DAPK2: variants seen among roughly 807,000 people sequenced by gnomAD.
DAPK2 encodes the protein death associated protein kinase 2, also known as death-associated protein kinase 2.
Under a neutral mutation model 44.1 loss-of-function variants are expected in DAPK2, and 35 were observed. That is an observed-to-expected ratio of 0.79 (90% CI 0.61 to 1.05). The LOEUF (loss-of-function observed/expected upper bound fraction) is 1.05, where lower values mean the gene tolerates loss of function less well. Ranked by LOEUF, DAPK2 falls within the 50% of genes least tolerant of loss-of-function variation. The probability of loss-of-function intolerance (pLI) is 0.00; values close to 1 mark genes in which losing one functional copy is unlikely to be tolerated. For synonymous variants in DAPK2, 174 were observed against 182.6 expected (o/e 0.95, Z 0.38); for missense variants, 453 against 483.2 (o/e 0.94, Z 0.59).
At chr15:63,992,277 A>C (rs1349963462) in intron 1 of DAPK2, among the ~76,000 whole-genome samples, 1 of 152,184 alleles carries the variant, frequency 6.6e-6, no homozygotes. Flanking sequence ...CTTAGTCTAG[A>C]GTCTAGATTC....
At chr15:64,031,788 C>T (rs768789968) in intron 1 of DAPK2, among the ~76,000 whole-genome samples, 1 of 152,130 alleles carries the variant, frequency 6.6e-6, no homozygotes, top group Admixed American at 6.6e-5. Flanking sequence ...CTAAAATTTT[C>T]GAGACTGAGT....
intron 1 of DAPK2, among the ~76,000 whole-genome samples, chr15:64,024,138 C>T (rs578036685): frequency 6.6e-6 from 1 of 152,316 alleles, no homozygotes; most frequent in South Asian, 2.1e-4. Context: ...CAACTTTAAG[C>T]CATTTCCTTC....
intron 4 of DAPK2, among the ~76,000 whole-genome samples, chr15:63,936,183 C>A (rs924278773): frequency 3.9e-5 from 6 of 152,222 alleles, no homozygotes; most frequent in African/African-American, 1.4e-4. Flanking sequence ...GAAGTGGCGA[C>A]AAGTGCACTT....
At position 63,923,065 on chromosome 15, in the gene DAPK2, C is replaced by G. The variant is rs965559704; in HGVS notation, c.858+1751G>C. 1.4e-5 allele frequency: 22 copies of G among 1,535,748 alleles called. No homozygotes were observed. The highest frequency in any genetic ancestry group is 3.9e-5 in the Admixed American group (2 of 50,974). ...GCTGGGACAGGTCATGCCGGGCGCT[C>G]TCATTCTCCTCTCGGTACCAAGCTT... On this transcript the variant is annotated intron_variant, in intron 8 of 10. Coordinates refer to ENST00000261891, the Ensembl canonical transcript of DAPK2. The surrounding 1 kb of genome is among the most constrained non-coding windows in gnomAD (Gnocchi z 4.2).
rs1287806852 is a variant in DAPK2 at position 63,917,578 on chromosome 15, A to C, written c.859-5381T>G. On this transcript the variant is annotated intron_variant, in intron 8 of 10. Coordinates refer to ENST00000261891, the Ensembl canonical transcript of DAPK2. The surrounding 1 kb of genome is among the most constrained non-coding windows in gnomAD (Gnocchi z 4.4). ...ATCCCATTCCTTATACTTCTGTGCA[A>C]GTTTTGGCAATTTTCCTGCTGAGGG... The C allele has an allele frequency of 1.3e-5, 2 of 152,136 alleles. No homozygotes were observed. Among genetic ancestry groups the C allele is most frequent in the East Asian group, 3.9e-4 (2 of 5,192 alleles). 9.4% of individuals were successfully genotyped at this position (152,136 alleles called of 1,614,324 possible). A position where few individuals can be genotyped will look rare whatever the true frequency, so the allele number is the denominator to read the frequency against.
At chr15:63,913,057 G>A (rs773399730) in intron 8 of DAPK2, among the ~76,000 whole-genome samples, 13 of 151,880 alleles carry the variant, frequency 8.6e-5, no homozygotes, top group Non-Finnish European at 1.6e-4. Context: ...TTTACAACAC[G>A]GATGAACCTT....
chr15:63,942,584 A>C (rs1029845416), intron 3 of DAPK2, among the ~76,000 whole-genome samples: 1 of 151,522 alleles, frequency 6.6e-6, no homozygotes, highest in Non-Finnish European at 1.5e-5. Flanking sequence ...CAAAAATAAA[A>C]AAACAAACAA....
intron 3 of DAPK2, among the ~76,000 whole-genome samples, chr15:63,952,393 A>G (rs1342214960): frequency 6.6e-6 from 1 of 152,228 alleles, no homozygotes; most frequent in Non-Finnish European, 1.5e-5. Context: ...GAAATCCATG[A>G]GCAGAAAAAA....
chr15:64,009,761 C>T (rs145979710), intron 1 of DAPK2, among the ~76,000 whole-genome samples: 1 of 152,240 alleles, frequency 6.6e-6, no homozygotes, highest in African/African-American at 2.4e-5. Context: ...GCCTTTCCCC[C>T]CGCCCCTAAA....
chr15:64,044,865 C>T (rs905502473), upstream of DAPK2, among the ~76,000 whole-genome samples: 2 of 152,158 alleles, frequency 1.3e-5, no homozygotes, highest in African/African-American at 4.8e-5. Flanking sequence ...CACACACGAC[C>T]GTCTCATTAC....
In DAPK2 at chr15:63,990,528, C is replaced by G. The variant is rs1595863184; in HGVS notation, c.93-6774G>C. The stretch of plus-strand genomic sequence containing the variant: ...AAGATTGAGTGATGTACCCCTAAGT[C>G]ACCAGTCTATCAAGGTGGAAATGAG... On this transcript the variant is annotated intron_variant, in intron 1 of 10. Transcript: ENST00000261891. The surrounding 1 kb of genome is among the most constrained non-coding windows in gnomAD (Gnocchi z 4.3). Among the ~76,000 whole-genome samples, 1 of 152,162 alleles carries G rather than the reference C, an allele frequency of 6.6e-6. No homozygotes were observed. Among genetic ancestry groups the G allele is most frequent in the African/African-American group, 2.4e-5 (1 of 41,428 alleles).
chr15:63,960,800 G>C (rs1351862939), intron 3 of DAPK2, among the ~76,000 whole-genome samples: 1 of 152,174 alleles, frequency 6.6e-6, no homozygotes, highest in Non-Finnish European at 1.5e-5. Flanking sequence ...GTGTGATGTG[G>C]TGCTGGGAAG....
At chr15:63,995,894 T>C (rs1429485229) in intron 1 of DAPK2, among the ~76,000 whole-genome samples, 1 of 152,260 alleles carries the variant, frequency 6.6e-6, no homozygotes, top group Non-Finnish European at 1.5e-5. Flanking sequence ...ATTCAGCATG[T>C]GTGTAGTGTC....
intron 3 of DAPK2, among the ~76,000 whole-genome samples, chr15:63,952,915 G>A (rs2077630987): frequency 1.3e-5 from 2 of 151,526 alleles, no homozygotes; most frequent in African/African-American, 2.4e-5. Flanking sequence ...CTACATATTT[G>A]TACCCATTAA....
chr15:64,040,211 C>T, exon 1 of DAPK2: 1 of 1,614,086 alleles, frequency 6.2e-7, no homozygotes. Flanking sequence ...CCTCCACCTT[C>T]TGCTGCTTGA....
intron 3 of DAPK2, among the ~76,000 whole-genome samples, chr15:63,957,314 T>C (rs2077752210): frequency 6.6e-6 from 1 of 152,186 alleles, no homozygotes; most frequent in East Asian, 1.9e-4. Flanking sequence ...CCTTTGTAGG[T>C]GAAATGCATT....
At chr15:63,944,699 G>C (rs1056469404) in intron 3 of DAPK2, among the ~76,000 whole-genome samples, 9 of 152,174 alleles carry the variant, frequency 5.9e-5, no homozygotes, top group Non-Finnish European at 1.2e-4. Flanking sequence ...GGAGCAGTGG[G>C]GTGGGGGCTT....
At position 63,971,572 on chromosome 15, in the gene DAPK2, C is replaced by T. The variant is rs1217586768; in HGVS notation, c.315-11G>A. ...TCTCCTCCAGACACTCTGTAAAACA[C>T]CAGCGGGGGGAGGGGAGGCCCAGGC... On this transcript the variant is annotated splice_polypyrimidine_tract_variant and intron_variant, in intron 2 of 10. Transcript: ENST00000261891. The T allele has an allele frequency of 6.2e-7, 1 of 1,613,654 alleles. No individual in the cohort carries two copies. Among genetic ancestry groups the T allele is most frequent in the African/African-American group, 1.3e-5 (1 of 75,022 alleles).
chr15:64,005,543 C>T (rs1020481703), intron 1 of DAPK2, among the ~76,000 whole-genome samples: 17 of 151,968 alleles, frequency 1.1e-4, no homozygotes, highest in Non-Finnish European at 7.4e-5. Flanking sequence ...TGTGCCCTCC[C>T]AACATAGGAA....
Sources: gnomAD v4.1 joint callset for allele counts (sites outside exome capture counted in the v4.1 genomes callset) on GRCh38, gnomAD v4.1.1 for gene constraint, Gnocchi (gnomAD v3.1) non-coding constraint, MANE v1.5 for transcripts, NCBI Gene and HGNC (gene_info 2026-07-23, HGNC 2026-07-21) for gene names.